STK31: variants seen among roughly 807,000 people sequenced by gnomAD.
The protein encoded by STK31 is serine/threonine kinase 31.
Under a neutral mutation model 129.7 loss-of-function variants are expected in STK31, and 89 were observed. That is an observed-to-expected ratio of 0.69 (90% CI 0.58 to 0.82). STK31 has a LOEUF of 0.82. Among genes scored for constraint, STK31 ranks in the 40% least tolerant of loss-of-function variants. The pLI, the probability that STK31 is intolerant of heterozygous loss-of-function variation, is 0.00. For synonymous variants in STK31, 448 were observed against 395.3 expected (o/e 1.13, Z -1.58); for missense variants, 1,187 against 1,176.4 (o/e 1.01, Z -0.13).
chr7:23,728,238 C>T (rs192061910), intron 5 of STK31, among the ~76,000 whole-genome samples: 16 of 151,480 alleles, frequency 1.1e-4, no homozygotes, highest in Admixed American at 5.3e-4. Context: ...TTCTACACCT[C>T]CTTTCTGTAC....
chr7:23,777,313 G>A (rs1790616813), intron 15 of STK31, among the ~76,000 whole-genome samples: 1 of 152,142 alleles, frequency 6.6e-6, no homozygotes, highest in Admixed American at 6.5e-5. Flanking sequence ...ATTTGGGGTG[G>A]AGAGTTCTGT....
At chr7:23,790,755 G>A (rs1791565536) in intron 21 of STK31, 69 bp from the exon 22 acceptor site, 9 of 1,344,526 alleles carry the variant, frequency 6.7e-6, no homozygotes, top group South Asian at 4.2e-5. Context: ...TTGATTAAAT[G>A]CAGAGTACTT....
At chr7:23,782,116 T>C (rs1790965947) in intron 16 of STK31, among the ~76,000 whole-genome samples, 2 of 152,196 alleles carry the variant, frequency 1.3e-5, no homozygotes. Flanking sequence ...AATGGAAGAA[T>C]ATTGTATTTT....
At chr7:23,798,119 A>G (rs1025113255) in intron 22 of STK31, among the ~76,000 whole-genome samples, 2 of 152,186 alleles carry the variant, frequency 1.3e-5, no homozygotes, top group African/African-American at 4.8e-5. Context: ...TAGCCTACCA[A>G]CCAAAAAAAG....
intron 22 of STK31, chr7:23,811,097 A>G (rs1034996198): frequency 6.2e-6 from 1 of 161,600 alleles, no homozygotes; most frequent in Non-Finnish European, 1.3e-5. Context: ...AGCACCTGCC[A>G]TTTATGATGA....
intron 8 of STK31, among the ~76,000 whole-genome samples, chr7:23,741,650 A>C (rs1045296589): frequency 1.3e-5 from 2 of 152,194 alleles, no homozygotes; most frequent in African/African-American, 2.4e-5. Flanking sequence ...TGCTGTGGCT[A>C]CTGCTGCCAG....
chr7:23,782,955 T>G (rs902189644), intron 16 of STK31, among the ~76,000 whole-genome samples: 1 of 152,168 alleles, frequency 6.6e-6, no homozygotes, highest in African/African-American at 2.4e-5. Flanking sequence ...ATTAAATTTT[T>G]CTTCAATTAG....
chr7:23,794,503 A>T (rs1357289447), intron 22 of STK31, among the ~76,000 whole-genome samples: 1 of 152,128 alleles, frequency 6.6e-6, no homozygotes. Flanking sequence ...TGGTACAGAG[A>T]GTGGAATGCT....
chr7:23,719,886 A>C (rs1786585530), intron 4 of STK31, among the ~76,000 whole-genome samples: 2 of 152,242 alleles, frequency 1.3e-5, no homozygotes, highest in Admixed American at 1.3e-4. Flanking sequence ...TCCTTAACCA[A>C]ATCTGAGCAA....
Position 23,828,972 on chromosome 7 carries a change from G to A in STK31, c.2830-3164G>A, listed in dbSNP as rs185443638. Among the ~76,000 whole-genome samples the A allele has an allele frequency of 2.5e-3, 385 of 151,476 alleles. 4 individuals are homozygous for A. The highest frequency in any genetic ancestry group is 0.017 in the South Asian group (80 of 4,794). The stretch of plus-strand genomic sequence containing the variant: ...TGGAGTGCAGTGGCGTGATCTCAGC[G>A]CGCTGCAACCTCCACCTCCTGGGTT... On this transcript the variant is annotated intron_variant, in intron 23 of 23. Transcript: ENST00000355870.
rs181188877 is a variant in STK31 at position 23,774,283 on chromosome 7, T to C, written c.1965+2005T>C. 3.8e-3 allele frequency among the ~76,000 whole-genome samples: 575 copies of C among 152,316 alleles called. 4 individuals are homozygous for C. Among genetic ancestry groups the C allele is most frequent in the Middle Eastern group, 0.02 (6 of 294 alleles). On this transcript the variant is annotated intron_variant, in intron 15 of 23. Coordinates refer to ENST00000355870, the MANE Select transcript of STK31 (RefSeq NM_031414.5). ...TTATAGTAGCATGATTTATAATCCT[T>C]TGGGTATATACCCAGTAATGGGATG...
rs371755738 is a variant in STK31, at chr7:23,828,694, G to A, written c.2830-3442G>A. On this transcript the variant is annotated intron_variant, in intron 23 of 23. Transcript: ENST00000355870. Reference sequence around the variant, plus strand: ...CCGTCTTCTGCGTCGCTCACGCTGGGAGCTGTAGACTGGAGCTGTTCCTAT... The same window carrying A: ...CCGTCTTCTGCGTCGCTCACGCTGGAAGCTGTAGACTGGAGCTGTTCCTAT... 7.9e-5 allele frequency among the ~76,000 whole-genome samples: 12 copies of A among 152,268 alleles called. 1 individual carries two copies. The East Asian group carries it at 1.2e-3, about 15-fold the overall frequency.
intron 15 of STK31, among the ~76,000 whole-genome samples, chr7:23,774,195 G>A (rs549717386): frequency 2.3e-4 from 35 of 152,242 alleles, no homozygotes; most frequent in African/African-American, 8.4e-4. Context: ...TGGGCAACTG[G>A]GTTTGTTCCA....
chr7:23,728,667 T>G (rs914548993), intron 5 of STK31, among the ~76,000 whole-genome samples: 7 of 152,138 alleles, frequency 4.6e-5, no homozygotes, highest in Non-Finnish European at 1.0e-4. Context: ...TGGAGTGAGT[T>G]TAATTGTGTC....
At chr7:23,731,044 TG>T (rs1359785189) in intron 6 of STK31, among the ~76,000 whole-genome samples, 1 of 150,728 alleles carries the variant, frequency 6.6e-6, no homozygotes, top group Non-Finnish European at 1.5e-5. Flanking sequence ...CCACCACGCA[TG>T]GCTAATTTTT....
intron 7 of STK31, 85 bp downstream of exon 7, chr7:23,735,981 A>G (rs1449453408): frequency 2.6e-6 from 3 of 1,149,242 alleles, no homozygotes; most frequent in Non-Finnish European, 3.7e-6. Context: ...ATGCTTTTGG[A>G]ATCCTTTACT....
At chr7:23,734,909 G>A (rs1787628445) in intron 6 of STK31, among the ~76,000 whole-genome samples, 1 of 152,196 alleles carries the variant, frequency 6.6e-6, no homozygotes, top group Non-Finnish European at 1.5e-5. Flanking sequence ...AGGTTGCAAT[G>A]AGCCGAGATT....
In STK31 at chr7:23,801,486, GT is replaced by G. The variant is rs532815582; in HGVS notation, c.2760+10541del. 4.9e-4 allele frequency among the ~76,000 whole-genome samples: 75 copies of G among 152,122 alleles called. No individual in the cohort carries two copies. In the South Asian group the frequency reaches 8.5e-3, roughly 17 times the overall value. ...ATTTGCAATGATTTTTTTCTGGCCT[GT>G]AGCTTTTCTTTTTATTTTCTTTTCA... On this transcript the variant is annotated intron_variant, in intron 22 of 23. Transcript: ENST00000355870.
At chr7:23,755,034 C>G (rs973255334) in intron 10 of STK31, 4 of 152,142 alleles carry the variant, frequency 2.6e-5, no homozygotes, top group African/African-American at 9.7e-5. Flanking sequence ...ATTGCTGGGT[C>G]AAATGGTATT....
Sources: gnomAD v4.1 joint callset for allele counts (sites outside exome capture counted in the v4.1 genomes callset) on GRCh38, gnomAD v4.1.1 for gene constraint, MANE v1.5 for transcripts, NCBI Gene and HGNC (gene_info 2026-07-23, HGNC 2026-07-21) for gene names.